Variants in HSPA12A observed in about 807,000 individuals in gnomAD.
HSPA12A encodes heat shock 70 kDa protein 12A.
A neutral mutation model predicts 69.2 loss-of-function variants in HSPA12A; 28 were observed. The ratio of observed to expected loss-of-function variants is 0.40; its 90% confidence interval spans 0.30 to 0.55. The LOEUF (loss-of-function observed/expected upper bound fraction) is 0.55. Ranked by LOEUF, HSPA12A falls within the 20% of genes least tolerant of loss-of-function variation. The pLI is 0.38. For missense variants in HSPA12A, 686 were observed against 900.7 expected (o/e 0.76, Z 3.05); for synonymous variants, 345 against 370.5 (o/e 0.93, Z 0.79).
rs1210417354 is a variant in HSPA12A at position 116,681,075 on chromosome 10, A to C, written c.1027+77T>G. The C allele has an allele frequency of 3.2e-6, 3 of 944,356 alleles. No individual in the cohort carries two copies. The African/African-American group carries it at 4.8e-5, about 15-fold the overall frequency. 58.5% of individuals were successfully genotyped at this position (944,356 alleles called of 1,614,324 possible). On this transcript the variant is annotated intron_variant, in intron 9 of 11. Transcript: ENST00000369209. ...TGGCATTCAAGAGAATAAAACTGAG[A>C]GTTATCTGAAACAAGTGAAAACAGA... is the stretch of plus-strand genomic sequence containing the variant.
chr10:116,703,824 G>C (rs138875011), intron 3 of HSPA12A, among the ~76,000 whole-genome samples: 202 of 152,336 alleles, frequency 1.3e-3, no homozygotes, highest in African/African-American at 3.8e-3. Flanking sequence ...TCCCAGCACA[G>C]AGTGCATCCC....
chr10:116,802,733 G>A (rs1031132303), intron 2 of HSPA12A, among the ~76,000 whole-genome samples: 5 of 152,188 alleles, frequency 3.3e-5, no homozygotes, highest in African/African-American at 1.2e-4. Context: ...AGGCTGCCCC[G>A]ATCACGGCTT....
intron 6 of HSPA12A, among the ~76,000 whole-genome samples, chr10:116,689,371 C>T (rs1435962787): frequency 1.3e-5 from 2 of 152,094 alleles, no homozygotes; most frequent in Non-Finnish European, 2.9e-5. Flanking sequence ...CTACCTCATC[C>T]TTCCAGCTCT....
chr10:116,756,393 T>C (rs188275094), intron 2 of HSPA12A, among the ~76,000 whole-genome samples: 7 of 152,380 alleles, frequency 4.6e-5, no homozygotes, highest in Non-Finnish European at 8.8e-5. Flanking sequence ...AATACTTGAT[T>C]CGAGAAAACA....
chr10:116,786,144 T>C (rs1320515979), intron 2 of HSPA12A, among the ~76,000 whole-genome samples: 1 of 152,212 alleles, frequency 6.6e-6, no homozygotes. Context: ...GAGCGGGTTC[T>C]GCAGAAGAGA....
chr10:116,705,227 C>A lies in HSPA12A; in HGVS notation c.178G>T (p.Ala60Ser), dbSNP rs576718792. The part of the protein sequence containing the change: ...SEQQSFLVVV[A>S]VDFGTTSSGY... ...CTGGATGTGGTCCCAAAGTCGACGGCCACCACCACGAGAAATGACTGCTGT... is the reference window on the plus strand; with the variant it reads ...CTGGATGTGGTCCCAAAGTCGACGGACACCACCACGAGAAATGACTGCTGT... The change falls in exon 3 of 12, where the codon GCC becomes TCC. Residue 60 changes from alanine to serine, a missense_variant. Coordinates refer to ENST00000369209, the MANE Select transcript of HSPA12A (RefSeq NM_025015.3). The A allele has an allele frequency of 1.9e-6, 3 of 1,614,134 alleles. No homozygotes were observed. The highest frequency in any genetic ancestry group is 1.3e-5 in the African/African-American group (1 of 75,050).
upstream of HSPA12A, among the ~76,000 whole-genome samples, chr10:116,744,907 A>G (rs556720896): frequency 1.1e-4 from 16 of 152,164 alleles, no homozygotes; most frequent in Admixed American, 3.3e-4. Context: ...CTTCTTCCCC[A>G]ATAGCAGCCA....
chr10:116,805,149 T>C (rs1845042094), intron 2 of HSPA12A, among the ~76,000 whole-genome samples: 1 of 152,102 alleles, frequency 6.6e-6, no homozygotes, highest in Non-Finnish European at 1.5e-5. Flanking sequence ...ACCCTGTCTC[T>C]ACTAAAAATA....
At chr10:116,766,286 T>A (rs1428813219) in intron 2 of HSPA12A, among the ~76,000 whole-genome samples, 1 of 152,160 alleles carries the variant, frequency 6.6e-6, no homozygotes, top group African/African-American at 2.4e-5. Context: ...AGGACTGCCC[T>A]GGTTGAAAAA....
At chr10:116,706,643 C>A (rs2240707) in intron 2 of HSPA12A, among the ~76,000 whole-genome samples, 47,644 of 152,034 alleles carry the variant, frequency 0.31, 7,502 homozygotes, top group East Asian at 0.39. Context: ...AACGGCCGCC[C>A]CCTAACATCC....
intron 1 of HSPA12A, 25 bp from the exon 2 acceptor site, chr10:116,707,310 C>T (rs781814518): frequency 6.3e-7 from 1 of 1,579,670 alleles, no homozygotes. Context: ...AAAGCCGCCT[C>T]CTTAGAAGTG....
rs181797967 is a variant in HSPA12A, at chr10:116,691,467, G to A, written c.663+884C>T. Among the ~76,000 whole-genome samples, 287 of 152,286 alleles carry A rather than the reference G, an allele frequency of 1.9e-3. 2 individuals carry two copies. The highest frequency in any genetic ancestry group is 3.0e-3 in the Non-Finnish European group (207 of 68,018). On this transcript the variant is annotated intron_variant, in intron 6 of 11. Coordinates refer to ENST00000369209, the MANE Select transcript of HSPA12A (RefSeq NM_025015.3). ...AGGATGCTTCCTGAGAGTCATGACA[G>A]TGGGGAGGGGACATCTAATGACTCT...
intron 4 of HSPA12A, 48 bp downstream of exon 4, chr10:116,700,895 T>C (rs782086983): frequency 1.9e-6 from 3 of 1,585,138 alleles, no homozygotes; most frequent in Non-Finnish European, 2.6e-6. Flanking sequence ...GGAGGAAGCT[T>C]GGCACTCCAT....
intron 2 of HSPA12A, among the ~76,000 whole-genome samples, chr10:116,706,399 G>A (rs1554882442): frequency 1.3e-5 from 2 of 152,026 alleles, no homozygotes; most frequent in African/African-American, 4.8e-5. Context: ...CTGGCCCTAG[G>A]GAACCAACCC....
chr10:116,781,374 T>C (rs1284099831), intron 2 of HSPA12A, among the ~76,000 whole-genome samples: 4 of 152,140 alleles, frequency 2.6e-5, no homozygotes, highest in Non-Finnish European at 5.9e-5. Context: ...ATGATGATGA[T>C]GATGATGAAT....
intron 2 of HSPA12A, among the ~76,000 whole-genome samples, chr10:116,828,553 C>T (rs1311796676): frequency 6.6e-6 from 1 of 152,214 alleles, no homozygotes; most frequent in Admixed American, 6.5e-5. Context: ...ATGCATGCTT[C>T]ACAGTTAGTT....
intron 1 of HSPA12A, among the ~76,000 whole-genome samples, chr10:116,717,422 A>G (rs569808130): frequency 4.6e-5 from 7 of 152,196 alleles, no homozygotes; most frequent in Non-Finnish European, 1.0e-4. Context: ...TGTGTGGCGT[A>G]TTCTTTGGTC....
chr10:116,709,014 A>G (rs1251036141), intron 1 of HSPA12A, among the ~76,000 whole-genome samples: 1 of 152,170 alleles, frequency 6.6e-6, no homozygotes, highest in African/African-American at 2.4e-5. Flanking sequence ...CAGAATTACC[A>G]TATGACCAGC....
At chr10:116,783,984 A>G (rs957026966) in intron 2 of HSPA12A, among the ~76,000 whole-genome samples, 15 of 152,202 alleles carry the variant, frequency 9.9e-5, no homozygotes, top group Non-Finnish European at 1.9e-4. Context: ...GATTACAGGT[A>G]TGAGCCACCA....
Sources: allele counts gnomAD v4.1 joint callset (sites outside exome capture counted in the v4.1 genomes callset), GRCh38; gene constraint gnomAD v4.1.1; transcripts MANE v1.5; gene names NCBI Gene and HGNC (gene_info 2026-07-23, HGNC 2026-07-21).